LCA5: variants seen among roughly 807,000 people sequenced by gnomAD.
LCA5 encodes the protein lebercilin.
A neutral mutation model predicts 53.0 loss-of-function variants in LCA5; 37 were observed. The ratio of observed to expected loss-of-function variants is 0.70; its 90% CI spans 0.54 to 0.92. The LOEUF (loss-of-function observed/expected upper bound fraction) is 0.92. LCA5 is among the 40% of genes least tolerant of loss of function. The probability of loss-of-function intolerance (pLI) is 0.00; values close to 1 mark genes in which losing one functional copy is unlikely to be tolerated. For synonymous variants in LCA5, 303 were observed against 282.9 expected (o/e 1.07, Z -0.71); for missense variants, 806 against 790.5 (o/e 1.02, Z -0.23).
In LCA5 at chr6:79,493,730, T is replaced by C. The variant is rs565227650; in HGVS notation, c.741A>G (p.Glu247=). Residue 247 remains glutamate, a synonymous_variant, in exon 4 of 8, where the codon GAA becomes GAG. Transcript: ENST00000369846. ...RRIKELSKNL[E]LSTNSFQRQL... ...GTCGTTGGAAACTGTTAGTACTCAGTTCAAGGTTTTTCGATAGCTCCTATA... is the reference window on the plus strand; with the variant it reads ...GTCGTTGGAAACTGTTAGTACTCAGCTCAAGGTTTTTCGATAGCTCCTATA... 1 of 1,613,220 alleles carries C rather than the reference T, an allele frequency of 6.2e-7. No individual in the cohort carries two copies. The highest frequency in any genetic ancestry group is 1.3e-5 in the African/African-American group (1 of 75,012).
chr6:79,521,831 A>G (rs1766634351), intron 1 of LCA5, among the ~76,000 whole-genome samples: 1 of 152,164 alleles, frequency 6.6e-6, no homozygotes, highest in South Asian at 2.1e-4. Flanking sequence ...AAATAAATCT[A>G]AGAATATAGC....
Position 79,485,882 on chromosome 6 carries a change from G to A in LCA5, c.*1122C>T, listed in dbSNP as rs1172909486. 1.3e-5 allele frequency: 2 copies of A among 152,038 alleles called. No individual in the cohort carries two copies. The highest frequency in any genetic ancestry group is 4.8e-5 in the African/African-American group (2 of 41,384). 9.4% of individuals were successfully genotyped at this position (152,038 alleles called of 1,614,324 possible). A position where few individuals can be genotyped will look rare whatever the true frequency, so the allele number is the denominator to read the frequency against. On this transcript the variant is annotated 3_prime_UTR_variant, in exon 8 of 8. Coordinates refer to ENST00000369846, the MANE Select transcript of LCA5 (RefSeq NM_001122769.3). ...ACCAATCATACCCAGCATGATCCAA[G>A]GTCATCAACTTCTCTATAAGCTGAA...
chr6:79,527,270 G>A (rs1766819130), intron 1 of LCA5, among the ~76,000 whole-genome samples: 2 of 152,122 alleles, frequency 1.3e-5, no homozygotes, highest in South Asian at 4.1e-4. Flanking sequence ...AACCCTTAAA[G>A]TTAACTCTAA....
intron 5 of LCA5, 82 bp downstream of exon 5, chr6:79,492,469 C>T (rs1003862988): frequency 1.1e-5 from 7 of 632,056 alleles, no homozygotes; most frequent in East Asian, 2.9e-5. Flanking sequence ...GGTTCTTTTC[C>T]TTCCCTTCCA....
chr6:79,490,497 T>C (rs1769806715), intron 6 of LCA5, among the ~76,000 whole-genome samples: 1 of 152,132 alleles, frequency 6.6e-6, no homozygotes, highest in Non-Finnish European at 1.5e-5. Flanking sequence ...CTATTCCTTC[T>C]GTTGAATGTA....
At chr6:79,535,384 G>A (rs2127692654) in intron 1 of LCA5, among the ~76,000 whole-genome samples, 1 of 152,244 alleles carries the variant, frequency 6.6e-6, no homozygotes, top group East Asian at 1.9e-4. Flanking sequence ...ATATCAATTG[G>A]TCTCGATAAT....
chr6:79,518,925 T>G lies in LCA5; in HGVS notation c.-31A>C. 1 of 1,604,032 alleles carries G rather than the reference T, an allele frequency of 6.2e-7. No individual in the cohort carries two copies. The highest frequency in any genetic ancestry group is 8.5e-7 in the Non-Finnish European group (1 of 1,170,784). On this transcript the variant is annotated 5_prime_UTR_variant, in exon 2 of 8. Transcript: ENST00000369846. Reference sequence around the variant, plus strand: ...TGAAAAATGGTCTCTATTCACATAATTTCACAGATTATTTTCTCCAGAGGA... The same window carrying G: ...TGAAAAATGGTCTCTATTCACATAAGTTCACAGATTATTTTCTCCAGAGGA...
At chr6:79,510,117 T>C (rs1036953950) in intron 3 of LCA5, among the ~76,000 whole-genome samples, 3 of 152,192 alleles carry the variant, frequency 2.0e-5, no homozygotes, top group African/African-American at 7.2e-5. Flanking sequence ...TTATGGATGC[T>C]GTAGGTAATC....
At chr6:79,520,970 G>T (rs1280979261) in intron 1 of LCA5, among the ~76,000 whole-genome samples, 1 of 152,180 alleles carries the variant, frequency 6.6e-6, no homozygotes, top group Non-Finnish European at 1.5e-5. Flanking sequence ...CTGTCCAACA[G>T]AACTTTCAGC....
chr6:79,533,668 G>A (rs550902701), intron 1 of LCA5, among the ~76,000 whole-genome samples: 2 of 149,782 alleles, frequency 1.3e-5, no homozygotes, highest in African/African-American at 2.5e-5. Flanking sequence ...AAAGATCCTC[G>A]AGTGCCAGAA....
rs1328385450 is a variant in LCA5 at position 79,486,340 on chromosome 6, G to C, written c.*664C>G. The C allele has an allele frequency of 1.3e-5, 2 of 152,358 alleles. No individual in the cohort carries two copies. The highest frequency in any genetic ancestry group is 3.9e-4 in the East Asian group (2 of 5,184). 9.4% of individuals were successfully genotyped at this position (152,358 alleles called of 1,614,324 possible). ...GCAACTAACTGTCCTTGCAAACAGA[G>C]AAATGTCTTCCGAACTCAACATAAT... On this transcript the variant is annotated 3_prime_UTR_variant, in exon 8 of 8. Coordinates refer to ENST00000369846, the MANE Select transcript of LCA5 (RefSeq NM_001122769.3).
chr6:79,517,057 C>T (rs1404854115), intron 2 of LCA5, among the ~76,000 whole-genome samples: 2 of 151,944 alleles, frequency 1.3e-5, no homozygotes, highest in African/African-American at 4.8e-5. Flanking sequence ...CCCGAAAATT[C>T]GTTTAAAATG....
chr6:79,499,489 C>T (rs1346523027), intron 3 of LCA5, among the ~76,000 whole-genome samples: 2 of 151,620 alleles, frequency 1.3e-5, no homozygotes, highest in East Asian at 3.9e-4. Context: ...AGATCTAAAG[C>T]AAAAATAGAA....
rs901281230 is a variant in LCA5, at chr6:79,513,463, T to C, written c.469A>G (p.Ile157Val). Residue 157 changes from isoleucine (I) to valine (V), a missense_variant, in exon 3 of 8, where the codon ATC (isoleucine) becomes GTC (valine). Coordinates refer to ENST00000369846, the MANE Select transcript of LCA5 (RefSeq NM_001122769.3). ...TTATGACGAAATATAAGTTGTGAGATTTCATTTTCGGCATCTTCAAACTTA... is the reference window on the plus strand; with the variant it reads ...TTATGACGAAATATAAGTTGTGAGACTTCATTTTCGGCATCTTCAAACTTA... ...LNKFEDAENE[I>V]SQLIFRHNNE... is the part of the protein sequence containing the mutation. 28 of 1,613,870 alleles carry C rather than the reference T, an allele frequency of 1.7e-5. No homozygotes were observed. Among genetic ancestry groups the C allele is most frequent in the Non-Finnish European group, 2.4e-5 (28 of 1,179,932 alleles).
intron 3 of LCA5, among the ~76,000 whole-genome samples, chr6:79,499,819 G>A (rs1269926485): frequency 3.4e-4 from 51 of 151,458 alleles, no homozygotes; most frequent in African/African-American, 1.0e-3. Flanking sequence ...AGCATTAGGT[G>A]TATCTCCTAA....
At position 79,487,330 on chromosome 6, in the gene LCA5, C is replaced by T; in HGVS notation, c.1768G>A (p.Asp590Asn). The T allele has an allele frequency of 6.2e-7, 1 of 1,613,968 alleles. No homozygotes were observed. Residue 590 changes from aspartate to asparagine, a missense_variant, in exon 8 of 8, where the codon GAT (aspartate) becomes AAT (asparagine). Asp to Asn is a conservative substitution (Grantham distance 23). Transcript: ENST00000369846. ...TTTCTTGTAATTAAATCTACACCAT[C>T]TTTACTAAGTTTTTCCATACTGTTT... Reference protein sequence around the residue: ...QRNSMEKLSKDGVDLITRKEK... With the variant: ...QRNSMEKLSKNGVDLITRKEK...
chr6:79,491,073 C>A (rs1582615986), intron 6 of LCA5, among the ~76,000 whole-genome samples: 3 of 151,640 alleles, frequency 2.0e-5, no homozygotes, highest in Admixed American at 2.0e-4. Flanking sequence ...TAAACCTAGT[C>A]AAATTCTAAC....
At chr6:79,515,034 G>GAA (rs940417039) in intron 2 of LCA5, among the ~76,000 whole-genome samples, 14 of 151,628 alleles carry the variant, frequency 9.2e-5, no homozygotes, top group African/African-American at 3.4e-4. Context: ...AAAAAAAAAA[G>GAA]AAAGAAAAAA....
rs1435310812 is a variant in LCA5, at chr6:79,486,962, AT to A, written c.*41del. ...TTTATAATAAATACTGTATTAAAATATTTCAATATTTACAATTAGAAAAAAT... is the reference window on the plus strand; with the variant it reads ...TTTATAATAAATACTGTATTAAAATATTCAATATTTACAATTAGAAAAAAT... On this transcript the variant is annotated 3_prime_UTR_variant, in exon 8 of 8. Transcript: ENST00000369846. 1.4e-6 allele frequency: 2 copies of A among 1,476,336 alleles called. No individual in the cohort carries two copies. Among genetic ancestry groups the A allele is most frequent in the Admixed American group, 3.6e-5 (2 of 55,072 alleles). 91.5% of individuals were successfully genotyped at this position (1,476,336 alleles called of 1,614,324 possible). A position where few individuals can be genotyped will look rare whatever the true frequency, so the allele number is the denominator to read the frequency against.
Sources: gnomAD v4.1 joint callset for allele counts (sites outside exome capture counted in the v4.1 genomes callset) on GRCh38, gnomAD v4.1.1 for gene constraint, MANE v1.5 for transcripts, NCBI Gene and HGNC (gene_info 2026-07-23, HGNC 2026-07-21) for gene names.